TMEFF1: variants seen among roughly 807,000 people sequenced by gnomAD.
TMEFF1 encodes tomoregulin-1.
In TMEFF1, 20 loss-of-function variants were observed where a neutral mutation model predicts 47.5. The ratio of observed to expected loss-of-function variants is 0.42; its 90% CI spans 0.30 to 0.61. The LOEUF is 0.61. Among genes scored for constraint, TMEFF1 ranks in the 20% least tolerant of loss-of-function variants. The probability of loss-of-function intolerance (pLI) is 0.19; values close to 1 mark genes in which losing one functional copy is unlikely to be tolerated. For missense variants in TMEFF1, 411 were observed against 471.1 expected (o/e 0.87, Z 1.18); for synonymous variants, 162 against 166.3 (o/e 0.97, Z 0.20).
At chr9:100,524,188 G>C (rs546810368) in intron 5 of TMEFF1, among the ~76,000 whole-genome samples, 1 of 151,564 alleles carries the variant, frequency 6.6e-6, no homozygotes, top group South Asian at 2.1e-4. Context: ...TATACCCGTA[G>C]TTCTGTACCT....
intron 5 of TMEFF1, among the ~76,000 whole-genome samples, chr9:100,544,828 G>A (rs996062573): frequency 1.3e-5 from 2 of 152,264 alleles, no homozygotes; most frequent in Non-Finnish European, 2.9e-5. Context: ...GCCATTCCAA[G>A]TGGCAGAAAT....
chr9:100,519,140 G>T (rs1001401214), intron 5 of TMEFF1, among the ~76,000 whole-genome samples: 2 of 152,116 alleles, frequency 1.3e-5, no homozygotes, highest in African/African-American at 4.8e-5. Context: ...CAGGCAGGGC[G>T]CAGTGGCTCA....
At chr9:100,561,315 T>C in intron 7 of TMEFF1, 82 bp from the exon 8 acceptor site, 1 of 1,546,924 alleles carries the variant, frequency 6.5e-7, no homozygotes, top group Non-Finnish European at 8.7e-7. Context: ...GTGAATTCAT[T>C]TGCTGTTTCA....
rs570061828 is a variant in TMEFF1 at position 100,548,343 on chromosome 9, A to G, written c.709+451A>G. The stretch of plus-strand genomic sequence containing the variant: ...ATTTTCCCTGTACATATTATGTATG[A>G]TACAGATTTTGGTGTGAAGTTAGAG... On this transcript the variant is annotated intron_variant, in intron 6 of 9. Transcript: ENST00000374879. Among the ~76,000 whole-genome samples, 13 of 152,260 alleles carry G rather than the reference A, an allele frequency of 8.5e-5. No homozygotes were observed. The East Asian group carries it at 2.5e-3, about 29-fold the overall frequency.
At chr9:100,535,318 G>A (rs1458815388) in intron 5 of TMEFF1, among the ~76,000 whole-genome samples, 4 of 152,010 alleles carry the variant, frequency 2.6e-5, no homozygotes, top group East Asian at 1.9e-4. Flanking sequence ...CTTAGTGAAC[G>A]CTTTGTTTTA....
rs538128579 is a variant in TMEFF1, at chr9:100,525,602, G to A, written c.560+8831G>A. Among the ~76,000 whole-genome samples, 77 of 151,608 alleles carry A rather than the reference G, an allele frequency of 5.1e-4. 1 individual carries two copies. Among genetic ancestry groups the A allele is most frequent in the African/African-American group, 1.7e-3 (72 of 41,340 alleles). On this transcript the variant is annotated intron_variant, in intron 5 of 9. Transcript: ENST00000374879. ...AGTTTTTAAACTGAAGTTTTATTATGTAATCGTGACTGGTTAACTCATTGG... is the reference window on the plus strand; with the variant it reads ...AGTTTTTAAACTGAAGTTTTATTATATAATCGTGACTGGTTAACTCATTGG...
chr9:100,512,535 C>T (rs780894322), intron 3 of TMEFF1, among the ~76,000 whole-genome samples: 5 of 152,154 alleles, frequency 3.3e-5, no homozygotes, highest in Non-Finnish European at 7.4e-5. Flanking sequence ...CTCACTTGCT[C>T]TCTCTGCTTT....
At chr9:100,515,371 A>T (rs1019301589) in intron 4 of TMEFF1, among the ~76,000 whole-genome samples, 2 of 152,122 alleles carry the variant, frequency 1.3e-5, no homozygotes, top group Non-Finnish European at 2.9e-5. Context: ...GGGAGTATTC[A>T]TGAGAGTTTA....
intron 1 of TMEFF1, among the ~76,000 whole-genome samples, chr9:100,485,348 C>T (rs570914266): frequency 2.1e-4 from 32 of 152,270 alleles, no homozygotes; most frequent in African/African-American, 7.2e-4. Context: ...TCCTGGGTCA[C>T]GTGGTGACTC....
At chr9:100,484,439 C>A (rs1257882049) in intron 1 of TMEFF1, among the ~76,000 whole-genome samples, 2 of 151,900 alleles carry the variant, frequency 1.3e-5, no homozygotes, top group African/African-American at 4.8e-5. Context: ...CTGCCTCAGA[C>A]TCTCGAATAG....
chr9:100,494,782 G>A (rs1433357401), intron 1 of TMEFF1, among the ~76,000 whole-genome samples: 1 of 152,210 alleles, frequency 6.6e-6, no homozygotes, highest in Non-Finnish European at 1.5e-5. Context: ...AGCAGTGACT[G>A]CTGCAACTAC....
chr9:100,564,637 A>G lies in TMEFF1; in HGVS notation c.899+3117A>G, dbSNP rs745687709. Among the ~76,000 whole-genome samples, 62 of 152,208 alleles carry G rather than the reference A, an allele frequency of 4.1e-4. 1 individual carries two copies. Among genetic ancestry groups the G allele is most frequent in the Admixed American group, 2.0e-3 (30 of 15,278 alleles). On this transcript the variant is annotated intron_variant, in intron 8 of 9. Coordinates refer to ENST00000374879, the MANE Select transcript of TMEFF1 (RefSeq NM_003692.5). ...GGGGGACATTGTTGGAGGAAGGGTC[A>G]GGTCTTACAGGAACATTTGGGCCAT...
chr9:100,515,096 G>A (rs537723044), intron 4 of TMEFF1, among the ~76,000 whole-genome samples: 29 of 152,282 alleles, frequency 1.9e-4, no homozygotes, highest in Admixed American at 6.5e-4. Context: ...AGCCCAGGAG[G>A]TTGAGGCTGC....
intron 2 of TMEFF1, among the ~76,000 whole-genome samples, chr9:100,501,412 T>C (rs1837756655): frequency 6.6e-6 from 1 of 152,220 alleles, no homozygotes; most frequent in Non-Finnish European, 1.5e-5. Flanking sequence ...GTGCTGTATA[T>C]TTGTTACCAT....
At chr9:100,505,784 A>T (rs1837849432) in intron 2 of TMEFF1, among the ~76,000 whole-genome samples, 1 of 152,262 alleles carries the variant, frequency 6.6e-6, no homozygotes, top group South Asian at 2.1e-4. Flanking sequence ...ACCTTTGTGA[A>T]CACAACACTA....
chr9:100,533,018 C>T lies in TMEFF1; in HGVS notation c.561-14726C>T, dbSNP rs558304693. Reference sequence around the variant, plus strand: ...AAACAAAACACTGCATATTCTCACTCATAGGTGGGAATTGAACAATGAGAT... The same window carrying T: ...AAACAAAACACTGCATATTCTCACTTATAGGTGGGAATTGAACAATGAGAT... On this transcript the variant is annotated intron_variant, in intron 5 of 9. Coordinates refer to ENST00000374879, the MANE Select transcript of TMEFF1 (RefSeq NM_003692.5). Among the ~76,000 whole-genome samples the T allele has an allele frequency of 2.5e-3, 356 of 142,612 alleles. 2 individuals are homozygous for T. Among genetic ancestry groups the T allele is most frequent in the African/African-American group, 8.9e-3 (335 of 37,814 alleles). The allele number at this position is 142,612 out of a possible 152,430, so 93.6% of individuals were successfully genotyped here.
chr9:100,539,953 C>G (rs1438370273), intron 5 of TMEFF1, among the ~76,000 whole-genome samples: 1 of 152,174 alleles, frequency 6.6e-6, no homozygotes, highest in African/African-American at 2.4e-5. Context: ...AGTCCCCTAC[C>G]CAATTAGCTA....
chr9:100,492,127 G>T (rs1431522074), intron 1 of TMEFF1, among the ~76,000 whole-genome samples: 1 of 152,076 alleles, frequency 6.6e-6, no homozygotes, highest in East Asian at 1.9e-4. Context: ...CTCATGATCT[G>T]CCCGCCTTGG....
chr9:100,476,797 C>T (rs926010969), intron 1 of TMEFF1, among the ~76,000 whole-genome samples: 10 of 148,390 alleles, frequency 6.7e-5, no homozygotes, highest in South Asian at 2.2e-4. Context: ...CCCGGGTTCG[C>T]GCCATTCTCC....
Sources: gnomAD v4.1 joint callset for allele counts (sites outside exome capture counted in the v4.1 genomes callset) on GRCh38, gnomAD v4.1.1 for gene constraint, MANE v1.5 for transcripts, NCBI Gene and HGNC (gene_info 2026-07-23, HGNC 2026-07-21) for gene names.